SCAMP3: variants seen among roughly 807,000 people sequenced by gnomAD.
SCAMP3 encodes secretory carrier membrane protein 3, also known as secretory carrier-associated membrane protein 3.
SCAMP3 carries 30 observed loss-of-function variants against 44.1 expected under a neutral mutation model. The ratio of observed to expected loss-of-function variants is 0.68; its 90% CI spans 0.51 to 0.92. SCAMP3 has a LOEUF of 0.92. Among genes scored for constraint, SCAMP3 ranks in the 40% least tolerant of loss-of-function variants. SCAMP3 has a pLI of 0.00. For synonymous variants in SCAMP3, 168 were observed against 171.1 expected, an observed-to-expected ratio of 0.98 and a Z score of 0.14; for missense variants, 394 against 440.0, an observed-to-expected ratio of 0.90 and a Z score of 0.93.
intron 7 of SCAMP3, 121 bp downstream of exon 7, chr1:155,257,164 T>C (rs1672825121): frequency 1.5e-6 from 1 of 686,888 alleles, no homozygotes; most frequent in East Asian, 2.7e-5. Flanking sequence ...TTGTATCTCA[T>C]TAAACTAGTA....
In SCAMP3 at chr1:155,260,678, T is replaced by A; in HGVS notation, c.145-19A>T. 1 of 1,592,934 alleles carries A rather than the reference T, an allele frequency of 6.3e-7. No individual in the cohort carries two copies. Among genetic ancestry groups the A allele is most frequent in the Non-Finnish European group, 8.5e-7 (1 of 1,169,972 alleles). ...GTGGTGGCTGTTGAGGAAAAGACCT[T>A]AGTGATCATCTAGTCCCTCATAACA... On this transcript the variant is annotated intron_variant, in intron 2 of 8. Coordinates refer to ENST00000302631, the MANE Select transcript of SCAMP3 (RefSeq NM_005698.4).
In SCAMP3 at chr1:155,257,530, G is replaced by A. The variant is rs191761620; in HGVS notation, c.645C>T (p.Val215=). 187 of 1,612,722 alleles carry A rather than the reference G, an allele frequency of 1.2e-4. 2 individuals are homozygous for A. In the East Asian group the frequency reaches 3.9e-3, roughly 34 times the overall value. Residue 215 remains valine, a synonymous_variant, in exon 6 of 9, where the codon GTC becomes GTT. Transcript: ENST00000302631. The part of the protein sequence containing the change: ...WVLLFTPCSF[V]CWYRPMYKAF... ...CCTTATACATGGGGCGGTACCAGCA[G>A]ACAAAGGAGCAGGGAGTGAAAAGGA...
intron 2 of SCAMP3, 71 bp from the exon 3 acceptor site, chr1:155,260,730 C>A: frequency 1.5e-6 from 2 of 1,363,914 alleles, no homozygotes; most frequent in Non-Finnish European, 2.0e-6. Flanking sequence ...GCTTGAATAC[C>A]TTTAGACCCA....
chr1:155,262,122 CG>C lies in SCAMP3; in HGVS notation c.29del (p.Pro10ArgfsTer17), dbSNP rs1672984350. The part of the protein sequence containing the change: MAQSRDGGN[P>X]FAEPSELDNP... Reference sequence around the variant, plus strand: ...TGTCAAGCTCGCTGGGCTCGGCGAACGGGTTTCCGCCGTCTCTGCTCTGAGC... The same window carrying C: ...TGTCAAGCTCGCTGGGCTCGGCGAACGGTTTCCGCCGTCTCTGCTCTGAGC... On this transcript the variant is annotated frameshift_variant, in exon 1 of 9. Coordinates refer to ENST00000302631, the MANE Select transcript of SCAMP3 (RefSeq NM_005698.4). LOFTEE classifies it high-confidence loss of function. 5 of 1,614,090 alleles carry C rather than the reference CG, an allele frequency of 3.1e-6. No individual in the cohort carries two copies. The highest frequency in any genetic ancestry group is 4.2e-6 in the Non-Finnish European group (5 of 1,180,036).
rs760193664 is a variant in SCAMP3 at position 155,261,697 on chromosome 1, T to A, written c.104A>T (p.Tyr35Phe). 6.2e-7 allele frequency: 1 copy of A among 1,614,146 alleles called. No individual in the cohort carries two copies. Among genetic ancestry groups the A allele is most frequent in the South Asian group, 1.1e-5 (1 of 91,080 alleles). ...AGGGTTGTAGACGTCAAGCGTGGCA[T>A]ACTGCCGGCTGGGTCGGTGCTGGAT... ...AVIQHRPSRQ[Y>F]ATLDVYNPFE... The change falls in exon 2 of 9, where the codon TAT (tyrosine) becomes TTT (phenylalanine). Residue 35 changes from tyrosine to phenylalanine, a missense_variant. Coordinates refer to ENST00000302631, the MANE Select transcript of SCAMP3 (RefSeq NM_005698.4).
chr1:155,256,840 A>G, intron 7 of SCAMP3, 49 bp from the exon 8 acceptor site: 1 of 1,444,534 alleles, frequency 6.9e-7, no homozygotes, highest in East Asian at 2.3e-5. Flanking sequence ...CAGCTTCTCC[A>G]CTGGTTATGT....
At position 155,262,156 on chromosome 1, in the gene SCAMP3, G is replaced by C. The variant is rs1557928005; in HGVS notation, c.-5C>G. On this transcript the variant is annotated 5_prime_UTR_variant, in exon 1 of 9. Transcript: ENST00000302631. ...GCCGTCTCTGCTCTGAGCCATGTTT[G>C]CAACTGCGGCCTCCGCGGCCCTCTG... 1 of 1,613,138 alleles carries C rather than the reference G, an allele frequency of 6.2e-7. No homozygotes were observed. Among genetic ancestry groups the C allele is most frequent in the Admixed American group, 1.7e-5 (1 of 59,998 alleles).
chr1:155,256,879 C>T (rs1482449775), intron 7 of SCAMP3, 88 bp from the exon 8 acceptor site: 1 of 987,520 alleles, frequency 1.0e-6, no homozygotes, highest in African/African-American at 1.6e-5. Context: ...CTACCCTTCC[C>T]ATCAGCAGTG....
At chr1:155,262,045 T>A (rs773006238) in intron 1 of SCAMP3, 41 bp downstream of exon 1, 1 of 1,596,394 alleles carries the variant, frequency 6.3e-7, no homozygotes, top group African/African-American at 1.3e-5. Context: ...CCGGGAAGAA[T>A]CAACCTGACC....
intron 4 of SCAMP3, among the ~76,000 whole-genome samples, chr1:155,259,605 C>T (rs987393049): frequency 6.6e-5 from 10 of 152,060 alleles, no homozygotes; most frequent in African/African-American, 2.2e-4. Flanking sequence ...GCTCAAGCAA[C>T]CTGCCTGCCT....
intron 6 of SCAMP3, 47 bp downstream of exon 6, chr1:155,257,451 G>C (rs758672503): frequency 6.2e-7 from 1 of 1,609,470 alleles, no homozygotes; most frequent in African/African-American, 1.3e-5. Flanking sequence ...GGCAGACGTG[G>C]GGCCCATCCC....
In SCAMP3 at chr1:155,262,025, C is replaced by A. The variant is rs1283073985; in HGVS notation, c.66+61G>T. ...CAAATGGGGATACAAGTTAGCCCGA[C>A]CCTACAGAACCGGGAAGAATCAACC... On this transcript the variant is annotated intron_variant, in intron 1 of 8. Coordinates refer to ENST00000302631, the MANE Select transcript of SCAMP3 (RefSeq NM_005698.4). 2.7e-6 allele frequency: 4 copies of A among 1,505,896 alleles called. No homozygotes were observed. In the East Asian group the frequency reaches 9.0e-5, roughly 34 times the overall value. 93.3% of individuals were successfully genotyped at this position (1,505,896 alleles called of 1,614,324 possible). A position where few individuals can be genotyped will look rare whatever the true frequency, so the allele number is the denominator to read the frequency against.
At chr1:155,257,916 C>T (rs148722887) in intron 5 of SCAMP3, among the ~76,000 whole-genome samples, 1,759 of 152,276 alleles carry the variant, frequency 0.012, 12 homozygotes, top group Middle Eastern at 0.088. Context: ...GCAATCTCAG[C>T]TTACTGCAAG....
At chr1:155,259,550 A>G (rs1672900949) in intron 4 of SCAMP3, among the ~76,000 whole-genome samples, 1 of 151,890 alleles carries the variant, frequency 6.6e-6, no homozygotes, top group Non-Finnish European at 1.5e-5. Context: ...AATGTTTTGG[A>G]GGCAGGATCT....
intron 3 of SCAMP3, 43 bp downstream of exon 3, chr1:155,260,494 G>T: frequency 6.2e-7 from 1 of 1,614,154 alleles, no homozygotes; most frequent in Non-Finnish European, 8.5e-7. Flanking sequence ...TGGGCCCCAG[G>T]ACTGGCCCTT....
At chr1:155,261,771 T>C (rs1200471639) in intron 1 of SCAMP3, 37 bp from the exon 2 acceptor site, 9 of 1,597,488 alleles carry the variant, frequency 5.6e-6, no homozygotes, top group African/African-American at 1.3e-5. Flanking sequence ...TGGCACCCAG[T>C]GCCACCTAGG....
At chr1:155,259,608 G>T (rs1245600668) in intron 4 of SCAMP3, among the ~76,000 whole-genome samples, 1 of 152,048 alleles carries the variant, frequency 6.6e-6, no homozygotes, top group Non-Finnish European at 1.5e-5. Flanking sequence ...CAAGCAACCT[G>T]CCTGCCTCGG....
At position 155,256,200 on chromosome 1, in the gene SCAMP3, G is replaced by C; in HGVS notation, c.*73C>G. ...CCATCAGTTAGTGATGTCTCTCCAA[G>C]TCCCAGAGACCTTAGGGACGGGAGC... On this transcript the variant is annotated 3_prime_UTR_variant, in exon 9 of 9. Coordinates refer to ENST00000302631, the MANE Select transcript of SCAMP3 (RefSeq NM_005698.4). 1.4e-6 allele frequency: 2 copies of C among 1,436,062 alleles called. No individual in the cohort carries two copies. Among genetic ancestry groups the C allele is most frequent in the South Asian group, 1.4e-5 (1 of 72,130 alleles). 89.0% of individuals were successfully genotyped at this position (1,436,062 alleles called of 1,614,324 possible). A position where few individuals can be genotyped will look rare whatever the true frequency, so the allele number is the denominator to read the frequency against.
Position 155,261,870 on chromosome 1 carries a change from T to C in SCAMP3, c.67-136A>G, listed in dbSNP as rs576223026. The C allele has an allele frequency of 2.9e-5, 25 of 876,460 alleles. No individual in the cohort carries two copies. The African/African-American group carries it at 4.2e-4, about 15-fold the overall frequency. The allele number at this position is 876,460 out of a possible 1,614,324, so 54.3% of individuals were successfully genotyped here. Reference sequence around the variant, plus strand: ...CCGTTGTCCCAGGACTGGGACAACATTTACCTCAAATCCATCATCCAACAC... The same window carrying C: ...CCGTTGTCCCAGGACTGGGACAACACTTACCTCAAATCCATCATCCAACAC... On this transcript the variant is annotated intron_variant, in intron 1 of 8. Transcript: ENST00000302631.
Sources: allele counts gnomAD v4.1 joint callset (sites outside exome capture counted in the v4.1 genomes callset), GRCh38; gene constraint gnomAD v4.1.1; transcripts MANE v1.5; gene names NCBI Gene and HGNC (gene_info 2026-07-23, HGNC 2026-07-21).